The following MYO16 variants were observed in gnomAD, a reference collection of about 807,000 sequenced individuals.
The protein encoded by MYO16 is unconventional myosin-XVI.
Under a neutral mutation model 205.3 loss-of-function variants are expected in MYO16, and 94 were observed. The observed-to-expected ratio is 0.46, with a 90% confidence interval of 0.39 to 0.54. The LOEUF (loss-of-function observed/expected upper bound fraction) is 0.54, where lower values mean the gene tolerates loss of function less well. MYO16 is among the 20% of genes least tolerant of loss of function. The pLI is 0.00. For missense variants in MYO16, 2,315 were observed against 2,387.5 expected, an observed-to-expected ratio of 0.97 and a Z score of 0.63; for synonymous variants, 988 against 954.0, an observed-to-expected ratio of 1.04 and a Z score of -0.66.
chr13:108,694,370 AG>A (rs1883009956), intron 2 of MYO16, among the ~76,000 whole-genome samples: 1 of 152,234 alleles, frequency 6.6e-6, no homozygotes, highest in African/African-American at 2.4e-5. Context: ...TGTTTTCTAC[AG>A]TGGCGAAACC....
chr13:108,536,224 T>A, the MYO16 span, among the ~76,000 whole-genome samples: 3 of 152,128 alleles, frequency 2.0e-5, no homozygotes, highest in African/African-American at 7.2e-5. Flanking sequence ...AGAGAAACAA[T>A]TTCAGTTTTG....
chr13:109,088,577 A>G (rs532437190), intron 27 of MYO16, among the ~76,000 whole-genome samples: 1 of 151,898 alleles, frequency 6.6e-6, no homozygotes, highest in African/African-American at 2.4e-5. Context: ...CAGCTCCCAT[A>G]TTGTCTGGGA....
At chr13:109,063,865 A>G (rs1047178187) in intron 27 of MYO16, among the ~76,000 whole-genome samples, 1 of 152,152 alleles carries the variant, frequency 6.6e-6, no homozygotes, top group Admixed American at 6.6e-5. Context: ...TGTCAATCCC[A>G]TCATCTTTTC....
chr13:108,987,358 A>C (rs1884676469), intron 20 of MYO16, among the ~76,000 whole-genome samples: 1 of 152,176 alleles, frequency 6.6e-6, no homozygotes, highest in Non-Finnish European at 1.5e-5. Context: ...CCCCAAAAGT[A>C]TGCAATCCTA....
chr13:108,869,723 T>C (rs1878942680), intron 12 of MYO16, among the ~76,000 whole-genome samples: 2 of 101,896 alleles, frequency 2.0e-5, no homozygotes. Context: ...AGAGCGAGAC[T>C]CCGTTTCTAA....
intron 22 of MYO16, among the ~76,000 whole-genome samples, chr13:109,018,414 G>C (rs1312700363): frequency 2.0e-5 from 3 of 152,162 alleles, no homozygotes; most frequent in East Asian, 1.9e-4. Flanking sequence ...CCTACTGGGA[G>C]GTGTCTCCAA....
intron 4 of MYO16, among the ~76,000 whole-genome samples, chr13:108,775,396 A>AT (rs1886092234): frequency 6.6e-6 from 1 of 152,224 alleles, no homozygotes; most frequent in Non-Finnish European, 1.5e-5. Flanking sequence ...GAACACATAG[A>AT]TTTTTTAATT....
At chr13:108,844,966 T>C (rs1877443744) in intron 10 of MYO16, among the ~76,000 whole-genome samples, 1 of 152,142 alleles carries the variant, frequency 6.6e-6, no homozygotes, top group South Asian at 2.1e-4. Flanking sequence ...TGCATATGTG[T>C]ACTTGTCTGG....
At chr13:108,729,450 G>C (rs1020562704) in intron 4 of MYO16, among the ~76,000 whole-genome samples, 3 of 152,110 alleles carry the variant, frequency 2.0e-5, no homozygotes, top group Non-Finnish European at 4.4e-5. Flanking sequence ...AATTATAAAA[G>C]AATGAGATAG....
At chr13:109,099,153 G>A (rs1407848246) in intron 27 of MYO16, among the ~76,000 whole-genome samples, 3 of 152,248 alleles carry the variant, frequency 2.0e-5, no homozygotes, top group African/African-American at 7.2e-5. Context: ...CCACTGCACT[G>A]TATGTTCATT....
chr13:108,942,340 T>C (rs138820296), intron 16 of MYO16, among the ~76,000 whole-genome samples: 11 of 152,328 alleles, frequency 7.2e-5, no homozygotes, highest in Non-Finnish European at 2.9e-5. Context: ...TTAATAATGT[T>C]TGAAGAATTC....
intron 33 of MYO16, among the ~76,000 whole-genome samples, chr13:109,174,973 A>G (rs1879102061): frequency 6.6e-6 from 1 of 151,362 alleles, no homozygotes; most frequent in East Asian, 1.9e-4. Flanking sequence ...AATGGTCTTG[A>G]TCTGCTGACC....
intron 15 of MYO16, among the ~76,000 whole-genome samples, chr13:108,900,652 A>G (rs1880662640): frequency 6.6e-6 from 1 of 152,108 alleles, no homozygotes; most frequent in Non-Finnish European, 1.5e-5. Flanking sequence ...TAACCTCTTA[A>G]TCCCTACATC....
chr13:108,559,397 G>A, the MYO16 span, among the ~76,000 whole-genome samples: 2 of 151,858 alleles, frequency 1.3e-5, no homozygotes, highest in East Asian at 3.9e-4. Flanking sequence ...CGGCCCCCAG[G>A]ACTGTGGAAG....
intron 13 of MYO16, among the ~76,000 whole-genome samples, chr13:108,887,329 CTGT>C (rs762256353): frequency 5.9e-5 from 9 of 152,178 alleles, no homozygotes; most frequent in Non-Finnish European, 1.0e-4. Context: ...CTGGCAAACA[CTGT>C]TAATTAACTT....
the MYO16 span, among the ~76,000 whole-genome samples, chr13:108,544,849 G>A: frequency 6.6e-6 from 1 of 152,106 alleles, no homozygotes; most frequent in African/African-American, 2.4e-5. Context: ...AACATGCCAT[G>A]CAATGTTCGT....
chr13:108,543,474 C>A, the MYO16 span, among the ~76,000 whole-genome samples: 12 of 151,330 alleles, frequency 7.9e-5, no homozygotes, highest in South Asian at 2.5e-3. Context: ...GAAACCCCGT[C>A]TCTACAAAAA....
chr13:108,822,168 A>G (rs1489236198), intron 8 of MYO16, among the ~76,000 whole-genome samples: 1 of 152,210 alleles, frequency 6.6e-6, no homozygotes, highest in East Asian at 1.9e-4. Flanking sequence ...TGAATTTGGA[A>G]TAGATTTATG....
chr13:108,799,988 G>T (rs145313686), intron 6 of MYO16, among the ~76,000 whole-genome samples: 5 of 152,228 alleles, frequency 3.3e-5, no homozygotes, highest in Non-Finnish European at 7.4e-5. Context: ...CTTTTTGTGA[G>T]AATTTGGGGG....
Sources: gnomAD v4.1 joint callset for allele counts (sites outside exome capture counted in the v4.1 genomes callset) on GRCh38, gnomAD v4.1.1 for gene constraint, MANE v1.5 for transcripts, NCBI Gene and HGNC (gene_info 2026-07-23, HGNC 2026-07-21) for gene names.